The following PDE5A variants were observed in gnomAD, a reference collection of about 807,000 sequenced individuals.
PDE5A encodes the protein cGMP-specific 3',5'-cyclic phosphodiesterase.
In PDE5A, 67 loss-of-function variants were observed where a neutral mutation model predicts 110.2. The observed-to-expected ratio is 0.61, with a 90% CI of 0.50 to 0.75. PDE5A has a LOEUF of 0.75. Ranked by LOEUF, PDE5A falls within the 30% of genes least tolerant of loss-of-function variation. The pLI, the probability that PDE5A is intolerant of heterozygous loss-of-function variation, is 0.00. For synonymous variants in PDE5A, 328 were observed against 351.2 expected (o/e 0.93, Z 0.74); for missense variants, 862 against 1,045.1 (o/e 0.82, Z 2.42).
intron 12 of PDE5A, among the ~76,000 whole-genome samples, chr4:119,522,629 CTACT>C (rs949498184): frequency 5.9e-5 from 9 of 151,930 alleles, no homozygotes; most frequent in Admixed American, 2.0e-4. Flanking sequence ...TCCTAATGGA[CTACT>C]CTATTTTCCT....
chr4:119,576,002 C>A (rs1436327946), intron 3 of PDE5A, among the ~76,000 whole-genome samples: 7 of 151,996 alleles, frequency 4.6e-5, no homozygotes, highest in Non-Finnish European at 1.0e-4. Flanking sequence ...ATCTACCAAG[C>A]AAATGGAAAA....
intron 11 of PDE5A, among the ~76,000 whole-genome samples, chr4:119,527,544 T>A (rs1284991775): frequency 6.6e-6 from 1 of 152,134 alleles, no homozygotes; most frequent in Non-Finnish European, 1.5e-5. Context: ...TAATTACCTA[T>A]TATTTTTACT....
chr4:119,608,872 A>G (rs1226814102), intron 1 of PDE5A, among the ~76,000 whole-genome samples: 1 of 152,166 alleles, frequency 6.6e-6, no homozygotes, highest in Non-Finnish European at 1.5e-5. Context: ...AACAATTGAT[A>G]TTACTTAGGC....
At chr4:119,628,074 C>T in intron 1 of PDE5A, 1 of 983,518 alleles carries the variant, frequency 1.0e-6, no homozygotes, top group East Asian at 1.1e-4. Context: ...CCAGCCAGGG[C>T]CAGGGCGAGG....
intron 3 of PDE5A, among the ~76,000 whole-genome samples, chr4:119,573,963 A>G (rs1463305628): frequency 6.6e-6 from 1 of 152,188 alleles, no homozygotes; most frequent in Non-Finnish European, 1.5e-5. Flanking sequence ...GCCATGTAAC[A>G]GGCACTTTGT....
intron 6 of PDE5A, 140 bp downstream of exon 6, chr4:119,562,693 C>T (rs1410058653): frequency 3.5e-6 from 2 of 565,672 alleles, no homozygotes; most frequent in African/African-American, 3.9e-5. Context: ...AGCTCATACC[C>T]TGATTAGTTT....
At position 119,525,787 on chromosome 4, in the gene PDE5A, T is replaced by C; in HGVS notation, c.1633-92A>G. The stretch of plus-strand genomic sequence containing the variant: ...CTTGTTTTGCTGCAGAGAAATAGCA[T>C]ATTGTGGCTTTTTTTTCCTTTTTAA... On this transcript the variant is annotated intron_variant, in intron 11 of 20. Transcript: ENST00000354960. This position sits in a 1 kb window ranked among gnomAD's most constrained non-coding sequence, Gnocchi z 4.3. 3 of 1,294,022 alleles carry C rather than the reference T, an allele frequency of 2.3e-6. No homozygotes were observed. The highest frequency in any genetic ancestry group is 1.5e-5 in the South Asian group (1 of 68,658). 80.2% of individuals were successfully genotyped at this position (1,294,022 alleles called of 1,614,324 possible). A position where few individuals can be genotyped will look rare whatever the true frequency, so the allele number is the denominator to read the frequency against.
At chr4:119,504,423 G>A (rs963171107) in intron 18 of PDE5A, 113 bp downstream of exon 18, 7 of 743,196 alleles carry the variant, frequency 9.4e-6, no homozygotes, top group Admixed American at 2.6e-5. Context: ...ACATATAAGT[G>A]TCTTTTTTAT....
chr4:119,512,663 G>A (rs1245512620), intron 14 of PDE5A: 1 of 151,970 alleles, frequency 6.6e-6, no homozygotes, highest in Non-Finnish European at 1.5e-5. Context: ...AGGGGATGAG[G>A]GAGATAAAGG....
intron 9 of PDE5A, 150 bp downstream of exon 9, chr4:119,552,400 T>C: frequency 2.4e-6 from 1 of 424,482 alleles, no homozygotes; most frequent in East Asian, 4.0e-5. Context: ...CAAATGTCTG[T>C]TGGTATTTAT....
intron 1 of PDE5A, among the ~76,000 whole-genome samples, chr4:119,613,512 T>G (rs1371709609): frequency 6.6e-6 from 1 of 152,156 alleles, no homozygotes; most frequent in African/African-American, 2.4e-5. Context: ...TATATTGTGT[T>G]CAGAAGTTAT....
chr4:119,572,951 C>T (rs1414528749), intron 3 of PDE5A, among the ~76,000 whole-genome samples: 1 of 152,150 alleles, frequency 6.6e-6, no homozygotes, highest in Non-Finnish European at 1.5e-5. Context: ...CTTCATTATA[C>T]TGTTAAAAAT....
At chr4:119,530,892 T>C (rs1726508489) in intron 11 of PDE5A, among the ~76,000 whole-genome samples, 1 of 152,180 alleles carries the variant, frequency 6.6e-6, no homozygotes, top group Non-Finnish European at 1.5e-5. Flanking sequence ...AGTTCAATTA[T>C]TCAATTTATT....
chr4:119,504,630 T>A, intron 17 of PDE5A, 31 bp from the exon 18 acceptor site: 1 of 1,583,416 alleles, frequency 6.3e-7, no homozygotes, highest in South Asian at 1.1e-5. Flanking sequence ...CCAAAACTCC[T>A]ATTTACTTTT....
chr4:119,528,845 C>A (rs536107778), intron 11 of PDE5A: 5 of 152,198 alleles, frequency 3.3e-5, no homozygotes, highest in African/African-American at 1.2e-4. Context: ...TAAACTCAAT[C>A]TCTGGTTTTC....
chr4:119,516,451 T>C (rs1176453076), intron 14 of PDE5A, among the ~76,000 whole-genome samples: 1 of 152,216 alleles, frequency 6.6e-6, no homozygotes, highest in Non-Finnish European at 1.5e-5. Context: ...TCTAACCAAA[T>C]AAATGCATCT....
At chr4:119,584,833 G>T (rs1728703039) in intron 3 of PDE5A, among the ~76,000 whole-genome samples, 1 of 152,144 alleles carries the variant, frequency 6.6e-6, no homozygotes, top group African/African-American at 2.4e-5. Flanking sequence ...TCTGCTCTCA[G>T]TCTGTCAACA....
rs35454723 is a variant in PDE5A, at chr4:119,498,385, CT to C, written c.*215del. 8.0e-6 allele frequency: 4 copies of C among 499,324 alleles called. No homozygotes were observed. Among genetic ancestry groups the C allele is most frequent in the Admixed American group, 3.3e-5 (1 of 30,266 alleles). The allele number at this position is 499,324 out of a possible 1,614,324, so 30.9% of individuals were successfully genotyped here. A position where few individuals can be genotyped will look rare whatever the true frequency, so the allele number is the denominator to read the frequency against. ...GTGCTAACAGTGGATGTTGTTGATC[CT>C]TTCAGTTCAGTAGCATAAAACAAAT... On this transcript the variant is annotated 3_prime_UTR_variant, in exon 21 of 21. Transcript: ENST00000354960.
chr4:119,604,793 C>T (rs1253213872), intron 2 of PDE5A, among the ~76,000 whole-genome samples: 1 of 152,160 alleles, frequency 6.6e-6, no homozygotes, highest in African/African-American at 2.4e-5. Context: ...ACTTGCATCT[C>T]CTGTTAGCTG....
Sources: gnomAD v4.1 joint callset for allele counts (sites outside exome capture counted in the v4.1 genomes callset) on GRCh38, gnomAD v4.1.1 for gene constraint, Gnocchi (gnomAD v3.1) non-coding constraint, MANE v1.5 for transcripts, NCBI Gene and HGNC (gene_info 2026-07-23, HGNC 2026-07-21) for gene names.